SHQ1: variants seen among roughly 807,000 people sequenced by gnomAD.
SHQ1 encodes protein SHQ1 homolog.
A neutral mutation model predicts 53.8 loss-of-function variants in SHQ1; 49 were observed. The observed-to-expected ratio is 0.91, with a 90% confidence interval of 0.72 to 1.16. The LOEUF (loss-of-function observed/expected upper bound fraction) is 1.16. Among genes scored for constraint, SHQ1 ranks in the 50% most tolerant of loss-of-function variants. SHQ1 has a pLI of 0.00. For synonymous variants in SHQ1, 243 were observed against 251.0 expected (o/e 0.97, Z 0.30); for missense variants, 738 against 683.1 (o/e 1.08, Z -0.90).
At chr3:72,763,054 CACACACACAGAGAGAG>C (rs1199034412) in intron 10 of SHQ1, among the ~76,000 whole-genome samples, 4 of 137,980 alleles carry the variant, frequency 2.9e-5, no homozygotes, top group African/African-American at 1.2e-4. Flanking sequence ...CACACACACA[CACACACACAGAGAGAG>C]AGAGAGAGAG....
intron 1 of SHQ1, chr3:72,846,097 T>G (rs1205388481): frequency 4.2e-6 from 4 of 955,994 alleles, no homozygotes; most frequent in Admixed American, 4.5e-5. Flanking sequence ...AAGAGCTTAG[T>G]GGCCGGCACA....
chr3:72,799,405 T>C (rs1202724929), intron 9 of SHQ1, among the ~76,000 whole-genome samples: 1 of 152,226 alleles, frequency 6.6e-6, no homozygotes, highest in Non-Finnish European at 1.5e-5. Flanking sequence ...CTAATTTTCA[T>C]ATGTCATTTG....
At chr3:72,785,434 G>C (rs1706201173) in intron 10 of SHQ1, among the ~76,000 whole-genome samples, 3 of 152,202 alleles carry the variant, frequency 2.0e-5, no homozygotes. Flanking sequence ...TCTGGAGCTG[G>C]AGGTCACATA....
chr3:72,833,647 A>G (rs1319984582), intron 4 of SHQ1, among the ~76,000 whole-genome samples: 1 of 152,228 alleles, frequency 6.6e-6, no homozygotes, highest in African/African-American at 2.4e-5. Context: ...CCTAAGAATC[A>G]GTTTTCCTGT....
Position 72,753,717 on chromosome 3 carries a change from T to C in SHQ1, c.1182-2881A>G, listed in dbSNP as rs555997005. 3,574 of 801,558 alleles carry C rather than the reference T, an allele frequency of 4.5e-3. 14 individuals carry two copies. Among genetic ancestry groups the C allele is most frequent in the Non-Finnish European group, 5.2e-3 (3,471 of 661,834 alleles). The allele number at this position is 801,558 out of a possible 1,614,324, so 49.7% of individuals were successfully genotyped here. On this transcript the variant is annotated intron_variant, in intron 10 of 10. Transcript: ENST00000325599. The stretch of plus-strand genomic sequence containing the variant: ...GAGATCCACTAGAGTCAGTTAATGA[T>C]TCACCAAAGCATTATAACCCCTGGC...
chr3:72,751,498 G>GTACA (rs1274696079), intron 10 of SHQ1, among the ~76,000 whole-genome samples: 8 of 119,862 alleles, frequency 6.7e-5, no homozygotes, highest in African/African-American at 2.1e-4. Flanking sequence ...GTGTGTGTGT[G>GTACA]TGTGTGTGTG....
At chr3:72,774,582 G>C (rs747565755) in intron 10 of SHQ1, among the ~76,000 whole-genome samples, 4 of 152,076 alleles carry the variant, frequency 2.6e-5, no homozygotes, top group Non-Finnish European at 4.4e-5. Context: ...AATTTCATGA[G>C]TAAAATCAGA....
At chr3:72,835,814 T>G (rs1162418941) in intron 4 of SHQ1, among the ~76,000 whole-genome samples, 1 of 152,226 alleles carries the variant, frequency 6.6e-6, no homozygotes, top group Non-Finnish European at 1.5e-5. Context: ...GAGAACTCAG[T>G]GCAAATGTCA....
chr3:72,750,846 A>G lies in SHQ1; in HGVS notation c.1182-10T>C. On this transcript the variant is annotated splice_polypyrimidine_tract_variant and intron_variant, in intron 10 of 10. Transcript: ENST00000325599. ...TGCCAACTTTTTGGATCTTGAAAAC[A>G]TTTTAAAAAGAAAGATTAGAATTAT... 6.7e-7 allele frequency: 1 copy of G among 1,496,180 alleles called. No individual in the cohort carries two copies. The highest frequency in any genetic ancestry group is 2.5e-5 in the East Asian group (1 of 40,336). The allele number at this position is 1,496,180 out of a possible 1,614,324, so 92.7% of individuals were successfully genotyped here. A position where few individuals can be genotyped will look rare whatever the true frequency, so the allele number is the denominator to read the frequency against.
chr3:72,731,972 C>T, the SHQ1 span, among the ~76,000 whole-genome samples: 1 of 151,538 alleles, frequency 6.6e-6, no homozygotes, highest in African/African-American at 2.4e-5. Context: ...AAGCCACTTC[C>T]CACCCCCATT....
At chr3:72,761,057 T>C (rs1361004230) in intron 10 of SHQ1, among the ~76,000 whole-genome samples, 1 of 152,214 alleles carries the variant, frequency 6.6e-6, no homozygotes, top group Non-Finnish European at 1.5e-5. Flanking sequence ...CTCTAGTCCT[T>C]AGTGCTTTAG....
chr3:72,737,809 C>T, the SHQ1 span, among the ~76,000 whole-genome samples: 3 of 152,198 alleles, frequency 2.0e-5, no homozygotes, highest in Non-Finnish European at 2.9e-5. Context: ...AATCCAGGAA[C>T]GTGGAACCCA....
downstream of SHQ1, among the ~76,000 whole-genome samples, chr3:72,746,156 G>A (rs190095227): frequency 3.9e-3 from 592 of 152,192 alleles, 2 homozygotes; most frequent in African/African-American, 0.014. Context: ...TTTCTAAGAT[G>A]AAGGGAAAGG....
intron 9 of SHQ1, among the ~76,000 whole-genome samples, chr3:72,803,574 A>T (rs1706854825): frequency 6.6e-6 from 1 of 152,184 alleles, no homozygotes; most frequent in South Asian, 2.1e-4. Context: ...GGCTCCCTAC[A>T]AAAGGGCTCC....
At chr3:72,801,703 T>C (rs191363285) in intron 9 of SHQ1, among the ~76,000 whole-genome samples, 623 of 152,354 alleles carry the variant, frequency 4.1e-3, no homozygotes, top group Admixed American at 9.4e-3. Context: ...CTGGTAGAAC[T>C]GAGCTATGCT....
At chr3:72,809,470 G>T (rs1036159753) in intron 9 of SHQ1, 1 of 151,934 alleles carries the variant, frequency 6.6e-6, no homozygotes, top group South Asian at 2.1e-4. Context: ...CACAGAATGA[G>T]CTCAAAGGCG....
Position 72,841,199 on chromosome 3 carries a change from C to T in SHQ1, c.332G>A (p.Gly111Asp), listed in dbSNP as rs141689155. 40 of 1,602,132 alleles carry T rather than the reference C, an allele frequency of 2.5e-5. No homozygotes were observed. Among genetic ancestry groups the T allele is most frequent in the African/African-American group, 4.1e-5 (3 of 73,974 alleles). Reference sequence around the variant, plus strand: ...TACTTCCTCAGGAATCTCAGAAGCACCTGAATGTGTTAAATTTTAATTTTT... The same window carrying T: ...TACTTCCTCAGGAATCTCAGAAGCATCTGAATGTGTTAAATTTTAATTTTT... Reference protein sequence around the residue: ...RTAKPLVEEIGASEIPEEVVD... With the variant: ...RTAKPLVEEIDASEIPEEVVD... Residue 111 changes from glycine (G) to aspartate (D), a missense_variant and splice_region_variant, in exon 4 of 11, where the codon GGT (glycine) becomes GAT (aspartate). Physicochemically the swap from Gly to Asp is moderately conservative, Grantham distance 94 (BLOSUM62 -1). Transcript: ENST00000325599.
At chr3:72,733,098 G>A in the SHQ1 span, among the ~76,000 whole-genome samples, 1 of 151,592 alleles carries the variant, frequency 6.6e-6, no homozygotes, top group East Asian at 1.9e-4. Context: ...TGCACAGACT[G>A]TGCTCCCAGT....
intron 6 of SHQ1, among the ~76,000 whole-genome samples, chr3:72,823,499 G>C (rs1707549547): frequency 6.6e-6 from 1 of 152,072 alleles, no homozygotes; most frequent in Non-Finnish European, 1.5e-5. Flanking sequence ...AAAACAGGAA[G>C]TCACCCAAAT....
Sources: allele counts gnomAD v4.1 joint callset (sites outside exome capture counted in the v4.1 genomes callset), GRCh38; gene constraint gnomAD v4.1.1; transcripts MANE v1.5; gene names NCBI Gene and HGNC (gene_info 2026-07-23, HGNC 2026-07-21).